Variants in FMO4 observed in about 807,000 individuals in gnomAD.
The protein encoded by FMO4 is dimethylaniline monooxygenase [N-oxide-forming] 4.
FMO4 carries 38 observed loss-of-function variants against 43.3 expected under a neutral mutation model. The observed-to-expected ratio is 0.88, with a 90% CI of 0.68 to 1.15. The LOEUF (loss-of-function observed/expected upper bound fraction) is 1.15. FMO4 is among the 50% of genes most tolerant of loss of function. FMO4 has a pLI of 0.00. For missense variants in FMO4, 631 were observed against 663.3 expected (o/e 0.95, Z 0.54); for synonymous variants, 224 against 232.2 (o/e 0.96, Z 0.32).
At chr1:171,331,574 A>G (rs1430833459) in intron 5 of FMO4, 66 bp from the exon 6 acceptor site, 2 of 1,500,048 alleles carry the variant, frequency 1.3e-6, no homozygotes, top group South Asian at 1.1e-5. Flanking sequence ...CACAGACCCT[A>G]TCCCTGCGTA....
intron 9 of FMO4, among the ~76,000 whole-genome samples, chr1:171,340,347 G>A (rs1444523160): frequency 1.3e-5 from 2 of 152,048 alleles, no homozygotes; most frequent in African/African-American, 4.8e-5. Context: ...TACAGTTAGG[G>A]TTTTGCAATA....
chr1:171,341,834 G>A lies in FMO4; in HGVS notation c.1672G>A (p.Gly558Arg). The A allele has an allele frequency of 5.0e-6, 8 of 1,608,572 alleles. No homozygotes were observed. The highest frequency in any genetic ancestry group is 6.8e-6 in the Non-Finnish European group (8 of 1,177,064). The change falls in exon 10 of 10, where the codon GGA becomes AGA. Residue 558 changes from glycine (G) to arginine (R), a missense_variant. Physicochemically the swap from Gly to Arg is moderately radical, Grantham distance 125. Transcript: ENST00000367749. ...CCCTTACCTAGTAAGTCTTTGGCGA[G>A]GATGAACCTGATTGTTACAAGGGTT... is the stretch of plus-strand genomic sequence containing the variant. ...MSPYLVSLWR[G>R] is the part of the protein sequence containing the mutation.
chr1:171,334,436 G>A lies in FMO4; in HGVS notation c.853G>A (p.Asp285Asn), dbSNP rs769736989. 8 of 1,584,958 alleles carry A rather than the reference G, an allele frequency of 5.0e-6. No homozygotes were observed. In the East Asian group the frequency reaches 1.8e-4, roughly 36 times the overall value. The change falls in exon 8 of 10, where the codon GAT becomes AAT. Residue 285 changes from aspartate (D) to asparagine (N), a missense_variant. By Grantham distance (23) the Asp-to-Asn change is conservative. Transcript: ENST00000367749. ...KGKKAKFIVN[D>N]ELPNCILCGA... ...GAAAAAAGCAAAATTCATTGTGAAT[G>A]ATGAGCTGCCAAACTGTATCCTCTG...
Position 171,322,517 on chromosome 1 carries a change from T to C in FMO4, c.133-487T>C, listed in dbSNP as rs1332363028. Among the ~76,000 whole-genome samples, 4 of 152,228 alleles carry C rather than the reference T, an allele frequency of 2.6e-5. No homozygotes were observed. The East Asian group carries it at 7.7e-4, about 29-fold the overall frequency. On this transcript the variant is annotated intron_variant, in intron 3 of 9. Coordinates refer to ENST00000367749, the MANE Select transcript of FMO4 (RefSeq NM_002022.3). Reference sequence around the variant, plus strand: ...TCCCACCAATGATTTCTGATAATTATAGCTTAGAGACCTAATGCTGGGTTT... The same window carrying C: ...TCCCACCAATGATTTCTGATAATTACAGCTTAGAGACCTAATGCTGGGTTT...
chr1:171,332,755 CA>C lies in FMO4; in HGVS notation c.675del (p.Asp226IlefsTer8). 1 of 1,611,552 alleles carries C rather than the reference CA, an allele frequency of 6.2e-7. No homozygotes were observed. The highest frequency in any genetic ancestry group is 1.3e-5 in the African/African-American group (1 of 74,956). On this transcript the variant is annotated frameshift_variant, in exon 7 of 10. Transcript: ENST00000367749. LOFTEE classifies it high-confidence loss of function. Reference sequence around the variant, plus strand: ...GGTACCTGGGTTCTTGGGCGCTCTTCAGATTGGGGCTATCCTTATAATATGA... The same window carrying C: ...GGTACCTGGGTTCTTGGGCGCTCTTCGATTGGGGCTATCCTTATAATATGA... The part of the protein sequence containing the change: ...RTGTWVLGRS[S>X]DWGYPYNMMV...
At chr1:171,322,976 CA>C in intron 3 of FMO4, 27 bp from the exon 4 acceptor site, 2 of 1,582,606 alleles carry the variant, frequency 1.3e-6, no homozygotes, top group Non-Finnish European at 1.7e-6. Flanking sequence ...TCCATTATCC[CA>C]ACAAGCTAAC....
rs1350510661 is a variant in FMO4, at chr1:171,334,706, G to C, written c.1123G>C (p.Gly375Arg). The C allele has an allele frequency of 6.2e-7, 1 of 1,609,112 alleles. No homozygotes were observed. Among genetic ancestry groups the C allele is most frequent in the South Asian group, 1.1e-5 (1 of 89,972 alleles). ...CATCATCGGCCTTATCGGCCTTAAA[G>C]GATCCATCTTATCAGGCACAGAGCT... Reference protein sequence around the residue: ...LAIIGLIGLKGSILSGTELQA... With the variant: ...LAIIGLIGLKRSILSGTELQA... Residue 375 changes from glycine to arginine, a missense_variant, in exon 8 of 10, where the codon GGA (glycine) becomes CGA (arginine). Physicochemically the swap from Gly to Arg is moderately radical, Grantham distance 125. Coordinates refer to ENST00000367749, the MANE Select transcript of FMO4 (RefSeq NM_002022.3).
chr1:171,321,506 G>A (rs906732418), intron 3 of FMO4, among the ~76,000 whole-genome samples: 2 of 152,080 alleles, frequency 1.3e-5, no homozygotes, highest in African/African-American at 4.8e-5. Context: ...CAATATAAAT[G>A]CTATATAAAT....
intron 9 of FMO4, among the ~76,000 whole-genome samples, chr1:171,340,543 C>A (rs907274043): frequency 5.9e-5 from 9 of 152,170 alleles, no homozygotes; most frequent in Non-Finnish European, 1.0e-4. Flanking sequence ...GGTTCAGACA[C>A]CTGTTCACAG....
intron 8 of FMO4, among the ~76,000 whole-genome samples, chr1:171,336,821 T>C (rs965411316): frequency 1.3e-5 from 2 of 152,090 alleles, no homozygotes. Context: ...AGGCTGGTCT[T>C]GAACTCTTGG....
At chr1:171,314,856 T>G (rs1291883427) in intron 1 of FMO4, among the ~76,000 whole-genome samples, 1 of 152,206 alleles carries the variant, frequency 6.6e-6, no homozygotes, top group Admixed American at 6.5e-5. Context: ...ATTGATTACA[T>G]GATTTGCAAA....
intron 8 of FMO4, among the ~76,000 whole-genome samples, chr1:171,336,861 C>G (rs555247765): frequency 3.2e-4 from 49 of 152,198 alleles, no homozygotes; most frequent in African/African-American, 1.0e-3. Flanking sequence ...CTTGCCCTCC[C>G]AACGTGCTGG....
At chr1:171,322,028 T>G (rs147666763) in intron 3 of FMO4, among the ~76,000 whole-genome samples, 28 of 152,290 alleles carry the variant, frequency 1.8e-4, no homozygotes, top group South Asian at 4.1e-4. Flanking sequence ...CCTATTTGTT[T>G]TGTTGTTTTG....
chr1:171,316,723 T>A (rs1229124570), intron 2 of FMO4, among the ~76,000 whole-genome samples: 3 of 152,140 alleles, frequency 2.0e-5, no homozygotes, highest in African/African-American at 7.2e-5. Flanking sequence ...ATGCATTTTT[T>A]AATACATAAT....
chr1:171,316,050 G>A (rs1662184500), intron 1 of FMO4, 136 bp from the exon 2 acceptor site: 1 of 152,058 alleles, frequency 6.6e-6, no homozygotes, highest in South Asian at 2.1e-4. Flanking sequence ...CCCATACTTA[G>A]CTTAGGACCT....
At position 171,335,747 on chromosome 1, in the gene FMO4, G is replaced by A. The variant is rs552639491; in HGVS notation, c.1180+984G>A. ...AAAAAAAAATGTTATTTGAATGGGG[G>A]GAGGGGAAAGAAGGCAGTTAGAAAA... On this transcript the variant is annotated intron_variant, in intron 8 of 9. Coordinates refer to ENST00000367749, the MANE Select transcript of FMO4 (RefSeq NM_002022.3). 5.5e-4 allele frequency among the ~76,000 whole-genome samples: 84 copies of A among 152,192 alleles called. 1 individual carries two copies. Among genetic ancestry groups the A allele is most frequent in the African/African-American group, 2.0e-3 (84 of 41,530 alleles).
intron 2 of FMO4, among the ~76,000 whole-genome samples, 151 bp downstream of exon 2, chr1:171,316,478 A>T (rs1662207329): frequency 6.6e-6 from 1 of 152,218 alleles, no homozygotes; most frequent in Non-Finnish European, 1.5e-5. Context: ...TTTTTTGTGT[A>T]AGTAATATCA....
At chr1:171,340,620 T>C (rs1006442301) in intron 9 of FMO4, among the ~76,000 whole-genome samples, 49 of 152,192 alleles carry the variant, frequency 3.2e-4, no homozygotes, top group African/African-American at 1.1e-3. Flanking sequence ...TTTATTTCTT[T>C]TTAATTATTT....
chr1:171,338,999 T>C (rs1253910594), intron 9 of FMO4, among the ~76,000 whole-genome samples: 1 of 152,174 alleles, frequency 6.6e-6, no homozygotes, highest in African/African-American at 2.4e-5. Context: ...GTAAACTTCA[T>C]GAAAAGTAGA....
Sources: allele counts gnomAD v4.1 joint callset (sites outside exome capture counted in the v4.1 genomes callset), GRCh38; gene constraint gnomAD v4.1.1; transcripts MANE v1.5; gene names NCBI Gene and HGNC (gene_info 2026-07-23, HGNC 2026-07-21).